MACROD1: variants seen among roughly 807,000 people sequenced by gnomAD.
MACROD1 encodes the protein mono-ADP ribosylhydrolase 1.
In MACROD1, 31 loss-of-function variants were observed where a neutral mutation model predicts 41.4. The ratio of observed to expected loss-of-function variants is 0.75; its 90% CI spans 0.56 to 1.01. The LOEUF (loss-of-function observed/expected upper bound fraction) is 1.01, where lower values mean the gene tolerates loss of function less well. Among genes scored for constraint, MACROD1 ranks in the 50% least tolerant of loss-of-function variants. The pLI, the probability that MACROD1 is intolerant of heterozygous loss-of-function variation, is 0.00. For missense variants in MACROD1, 473 were observed against 460.0 expected (o/e 1.03, Z -0.26); for synonymous variants, 252 against 203.4 (o/e 1.24, Z -2.03).
chr11:64,150,307 C>T (rs982875184), intron 3 of MACROD1, among the ~76,000 whole-genome samples: 29 of 152,220 alleles, frequency 1.9e-4, no homozygotes, highest in African/African-American at 6.5e-4. Context: ...CAGGCACGAC[C>T]GCTACAAGCG....
chr11:64,127,222 T>C (rs575990558), intron 3 of MACROD1, among the ~76,000 whole-genome samples: 3 of 152,394 alleles, frequency 2.0e-5, no homozygotes, highest in African/African-American at 7.2e-5. Flanking sequence ...TTTGTCTATT[T>C]TCATAGAAAA....
intron 1 of MACROD1, among the ~76,000 whole-genome samples, chr11:64,163,632 G>C (rs537695360): frequency 4.6e-5 from 7 of 152,330 alleles, no homozygotes; most frequent in Admixed American, 3.9e-4. Flanking sequence ...TTTTATGGGA[G>C]GGAGCTGTTT....
intron 3 of MACROD1, among the ~76,000 whole-genome samples, chr11:64,100,414 T>G (rs1318971658): frequency 2.0e-5 from 3 of 152,172 alleles, no homozygotes; most frequent in Non-Finnish European, 4.4e-5. Flanking sequence ...TGATGTTGAC[T>G]CAAAAAATGG....
chr11:64,046,571 G>A (rs1175200101), intron 3 of MACROD1, among the ~76,000 whole-genome samples: 5 of 152,038 alleles, frequency 3.3e-5, no homozygotes, highest in African/African-American at 1.2e-4. Context: ...TTCTTTTTGA[G>A]ACGGAGTTTT....
rs942009946 is a variant in MACROD1, at chr11:64,067,821, C to G, written c.518-52540G>C. ...GGGCGGCTGTGCCACCCCCACACTCCTGAAATGGGTGATGAGGGGGTTGGG... is the reference window on the plus strand; with the variant it reads ...GGGCGGCTGTGCCACCCCCACACTCGTGAAATGGGTGATGAGGGGGTTGGG... On this transcript the variant is annotated intron_variant, in intron 3 of 10. Coordinates refer to ENST00000255681, the MANE Select transcript of MACROD1 (RefSeq NM_014067.4). This position sits in a 1 kb window ranked among gnomAD's most constrained non-coding sequence, Gnocchi z 4.6. 2.0e-5 allele frequency among the ~76,000 whole-genome samples: 3 copies of G among 152,150 alleles called. No individual in the cohort carries two copies. The highest frequency in any genetic ancestry group is 2.9e-5 in the Non-Finnish European group (2 of 68,020).
chr11:64,085,412 G>A (rs1343629119), intron 3 of MACROD1, among the ~76,000 whole-genome samples: 2 of 152,252 alleles, frequency 1.3e-5, no homozygotes. Context: ...CGGGGACGGA[G>A]GGCGGGGGAG....
chr11:64,080,620 C>T (rs540050423), intron 3 of MACROD1, among the ~76,000 whole-genome samples: 114 of 152,306 alleles, frequency 7.5e-4, no homozygotes, highest in African/African-American at 2.6e-3. Context: ...GGGAGGGTTA[C>T]GTTTATGATA....
intron 3 of MACROD1, among the ~76,000 whole-genome samples, chr11:64,101,208 G>A (rs556823108): frequency 6.6e-6 from 1 of 152,222 alleles, no homozygotes; most frequent in East Asian, 1.9e-4. Context: ...GGCCAGGCTG[G>A]AGCCAGCTCA....
intron 3 of MACROD1, among the ~76,000 whole-genome samples, chr11:64,049,347 G>A (rs1321759938): frequency 2.6e-5 from 4 of 152,350 alleles, no homozygotes; most frequent in Admixed American, 6.5e-5. Context: ...CCCAAAGGCT[G>A]TGCTGTTCAC....
chr11:64,015,612 A>G (rs1943070893), intron 3 of MACROD1, among the ~76,000 whole-genome samples: 2 of 152,042 alleles, frequency 1.3e-5, no homozygotes, highest in African/African-American at 4.8e-5. Flanking sequence ...TGTTTCGCCC[A>G]CAGTATCTCC....
At position 64,000,267 on chromosome 11, in the gene MACROD1, G is replaced by T; in HGVS notation, c.624C>A (p.Gly208=). The change falls in exon 5 of 11, where the codon GGC becomes GGA. Residue 208 remains glycine (G), a synonymous_variant. Coordinates refer to ENST00000255681, the MANE Select transcript of MACROD1 (RefSeq NM_014067.4). The part of the protein sequence containing the change: ...ECRTLQSCKT[G]KAKITGGYRL... ...GATAGCCGCCGGTGATCTTGGCCTT[G>T]CCAGTCTTACAGCTCTGCAGGGTCC... 5 of 1,606,280 alleles carry T rather than the reference G, an allele frequency of 3.1e-6. No individual in the cohort carries two copies. Among genetic ancestry groups the T allele is most frequent in the African/African-American group, 1.3e-5 (1 of 74,892 alleles).
chr11:63,999,543 G>T lies in MACROD1; in HGVS notation c.804C>A (p.Ser268=). 1.2e-6 allele frequency: 2 copies of T among 1,609,714 alleles called. No individual in the cohort carries two copies. The highest frequency in any genetic ancestry group is 1.3e-5 in the African/African-American group (1 of 75,036). ...RLRSVAFPCI[S]TGVFGYPCEA... ...TTCCAGACTCACCAAACACGCCGGT[G>T]GAGATGCAGGGGAACGCCTGGGCGG... is the stretch of plus-strand genomic sequence containing the variant. The change falls in exon 7 of 11, where the codon TCC becomes TCA. Residue 268 remains serine, a synonymous_variant. Transcript: ENST00000255681.
chr11:64,130,235 C>T (rs1006110706), intron 3 of MACROD1, among the ~76,000 whole-genome samples: 5 of 152,228 alleles, frequency 3.3e-5, no homozygotes, highest in South Asian at 2.1e-4. Context: ...GGCTGCCCTG[C>T]GGCCAAGAGG....
rs909503349 is a variant in MACROD1, at chr11:64,136,306, T to C, written c.517+14933A>G. Among the ~76,000 whole-genome samples, 9 of 152,304 alleles carry C rather than the reference T, an allele frequency of 5.9e-5. No homozygotes were observed. In the South Asian group the frequency reaches 1.0e-3, roughly 18 times the overall value. On this transcript the variant is annotated intron_variant, in intron 3 of 10. Transcript: ENST00000255681. ...AGTTAAGGGCACTTCCCAGGATACATAGGGAAAAGATCTGGGTTCAAGCTT... is the reference window on the plus strand; with the variant it reads ...AGTTAAGGGCACTTCCCAGGATACACAGGGAAAAGATCTGGGTTCAAGCTT...
chr11:64,113,011 A>G (rs570825935), intron 3 of MACROD1, among the ~76,000 whole-genome samples: 1 of 152,264 alleles, frequency 6.6e-6, no homozygotes, highest in East Asian at 1.9e-4. Context: ...GTGACATGAA[A>G]ACACCAGTCA....
chr11:64,087,613 C>T (rs1459405403), intron 3 of MACROD1, among the ~76,000 whole-genome samples: 6 of 152,220 alleles, frequency 3.9e-5, no homozygotes, highest in African/African-American at 1.4e-4. Context: ...GCAAGGCTGG[C>T]CTTGCCCGCG....
chr11:64,041,327 T>C (rs911192239), intron 3 of MACROD1, among the ~76,000 whole-genome samples: 1 of 149,132 alleles, frequency 6.7e-6, no homozygotes, highest in African/African-American at 2.5e-5. Context: ...CTTGAACCAT[T>C]CCTGCTGCCC....
chr11:64,012,929 G>A (rs1001037505), intron 4 of MACROD1, among the ~76,000 whole-genome samples: 5 of 152,234 alleles, frequency 3.3e-5, no homozygotes, highest in Admixed American at 1.3e-4. Context: ...TTAACCGCCC[G>A]GGCTCAAGTG....
chr11:64,048,769 G>A (rs552488263), intron 3 of MACROD1, among the ~76,000 whole-genome samples: 5 of 152,294 alleles, frequency 3.3e-5, no homozygotes, highest in Admixed American at 6.5e-5. Context: ...CTCTAAGGGC[G>A]GAGCTGGATC....
Sources: allele counts gnomAD v4.1 joint callset (sites outside exome capture counted in the v4.1 genomes callset), GRCh38; gene constraint gnomAD v4.1.1; non-coding constraint Gnocchi (gnomAD v3.1); transcripts MANE v1.5; gene names NCBI Gene and HGNC (gene_info 2026-07-23, HGNC 2026-07-21).